Variants in TRPM6 observed in about 807,000 individuals in gnomAD.
TRPM6 encodes transient receptor potential cation channel subfamily M member 6.
TRPM6 carries 111 observed loss-of-function variants against 247.6 expected under a neutral mutation model. The observed-to-expected ratio is 0.45, with a 90% CI of 0.38 to 0.52. TRPM6 has a LOEUF of 0.52. Ranked by LOEUF, TRPM6 falls within the 20% of genes least tolerant of loss-of-function variation. The pLI is 0.00. For missense variants in TRPM6, 2,126 were observed against 2,421.5 expected, an observed-to-expected ratio of 0.88 and a Z score of 2.56; for synonymous variants, 892 against 853.8, an observed-to-expected ratio of 1.04 and a Z score of -0.78.
chr9:74,813,282 A>T (rs1353485174), intron 11 of TRPM6, among the ~76,000 whole-genome samples: 1 of 152,240 alleles, frequency 6.6e-6, no homozygotes, highest in African/African-American at 2.4e-5. Flanking sequence ...AACATTTTGG[A>T]AGCTGGAAAG....
intron 11 of TRPM6, among the ~76,000 whole-genome samples, chr9:74,815,524 A>T (rs1475487145): frequency 2.0e-5 from 3 of 152,212 alleles, no homozygotes; most frequent in African/African-American, 7.2e-5. Flanking sequence ...CATAGAAGAC[A>T]TGCCCTCTAA....
At position 74,762,156 on chromosome 9, in the gene TRPM6, T is replaced by A; in HGVS notation, c.4515A>T (p.Arg1505Ser). Residue 1505 changes from arginine (R) to serine (S), a missense_variant, in exon 26 of 39, where the codon AGA (arginine) becomes AGT (serine). Coordinates refer to ENST00000360774, the MANE Select transcript of TRPM6 (RefSeq NM_017662.5). The stretch of plus-strand genomic sequence containing the variant: ...CTGAGCATTCACTACTCTGGGCCGA[T>A]CTTGTTGAGTTATCAGATAGGGAGC... ...QDSSLSDNSTRSAQSSECSEV... is the reference protein window; with the variant it reads ...QDSSLSDNSTSSAQSSECSEV... The A allele has an allele frequency of 6.2e-7, 1 of 1,614,192 alleles. No homozygotes were observed. Among genetic ancestry groups the A allele is most frequent in the African/African-American group, 1.3e-5 (1 of 75,056 alleles).
chr9:74,731,299 G>C (rs1587447628), intron 37 of TRPM6, among the ~76,000 whole-genome samples: 1 of 152,204 alleles, frequency 6.6e-6, no homozygotes, highest in Middle Eastern at 3.4e-3. Context: ...AAATTATAAA[G>C]TACTTTTAGT....
In TRPM6 at chr9:74,872,721, C is replaced by T. The variant is rs12345169; in HGVS notation, c.34-13973G>A. Among the ~76,000 whole-genome samples the T allele has an allele frequency of 7.2e-3, 1,089 of 151,820 alleles. 14 individuals carry two copies. The highest frequency in any genetic ancestry group is 0.025 in the African/African-American group (1,023 of 41,452). Reference sequence around the variant, plus strand: ...CTGACCTCAAGTGATCTGCCAGCCTCAGCCTCTCAAAGTGCTGGAATTACA... The same window carrying T: ...CTGACCTCAAGTGATCTGCCAGCCTTAGCCTCTCAAAGTGCTGGAATTACA... On this transcript the variant is annotated intron_variant, in intron 1 of 38. Transcript: ENST00000360774.
chr9:74,790,386 C>A (rs1441688094), intron 19 of TRPM6, among the ~76,000 whole-genome samples: 2 of 152,136 alleles, frequency 1.3e-5, no homozygotes, highest in Non-Finnish European at 2.9e-5. Context: ...TTCTTTCAAG[C>A]AACTTAAAAG....
At chr9:74,808,427 TCTTA>T (rs1828611096) in intron 13 of TRPM6, among the ~76,000 whole-genome samples, 2 of 152,228 alleles carry the variant, frequency 1.3e-5, no homozygotes, top group South Asian at 2.1e-4. Context: ...GCTCTCTCTC[TCTTA>T]CTCTTGCTCT....
intron 24 of TRPM6, among the ~76,000 whole-genome samples, chr9:74,774,663 G>A (rs1344613983): frequency 6.6e-6 from 1 of 152,112 alleles, no homozygotes; most frequent in African/African-American, 2.4e-5. Flanking sequence ...AACTCCTGGA[G>A]TCCAGAGTAT....
intron 28 of TRPM6, among the ~76,000 whole-genome samples, chr9:74,754,962 A>G (rs1826385742): frequency 6.6e-6 from 1 of 152,216 alleles, no homozygotes. Context: ...ATAACCAAAT[A>G]TAACTTAACC....
At chr9:74,852,435 T>TCTCCCGCTCCCC (rs1830356199) in intron 3 of TRPM6, among the ~76,000 whole-genome samples, 1 of 140,794 alleles carries the variant, frequency 7.1e-6, no homozygotes, top group South Asian at 2.3e-4. Context: ...TCCCGCTCCC[T>TCTCCCGCTCCCC]CTCCCGCTCC....
At chr9:74,786,433 A>G (rs950981959) in intron 20 of TRPM6, among the ~76,000 whole-genome samples, 1 of 152,214 alleles carries the variant, frequency 6.6e-6, no homozygotes, top group African/African-American at 2.4e-5. Context: ...GAAAACACCA[A>G]GACATTTTAA....
At chr9:74,744,283 AT>A in intron 31 of TRPM6, 138 bp from the exon 32 acceptor site, 4 of 900,784 alleles carry the variant, frequency 4.4e-6, no homozygotes, top group Non-Finnish European at 7.2e-6. Context: ...CTTGCCTAAT[AT>A]TTTTTAACCA....
chr9:74,865,034 C>T (rs1025351839), intron 1 of TRPM6, among the ~76,000 whole-genome samples: 3 of 149,132 alleles, frequency 2.0e-5, no homozygotes, highest in Non-Finnish European at 4.4e-5. Context: ...GATCGTGCCA[C>T]TGCACTCCAG....
At position 74,832,054 on chromosome 9, in the gene TRPM6, C is replaced by A. The variant is rs554416495; in HGVS notation, c.669+1944G>T. Among the ~76,000 whole-genome samples the A allele has an allele frequency of 2.6e-5, 4 of 152,288 alleles. No homozygotes were observed. In the South Asian group the frequency reaches 8.3e-4, roughly 32 times the overall value. ...TAAAAAGAGAGACCCCCATATATTA[C>A]AAGGGAAAGACATACCTCCTCCTAT... On this transcript the variant is annotated intron_variant, in intron 6 of 38. Transcript: ENST00000360774.
In TRPM6 at chr9:74,771,555, T is replaced by C. The variant is rs1029687724; in HGVS notation, c.3536+148A>G. 2.4e-5 allele frequency: 18 copies of C among 737,140 alleles called. No homozygotes were observed. The Admixed American group carries it at 4.3e-4, about 18-fold the overall frequency. The allele number at this position is 737,140 out of a possible 1,614,324, so 45.7% of individuals were successfully genotyped here. A position where few individuals can be genotyped will look rare whatever the true frequency, so the allele number is the denominator to read the frequency against. On this transcript the variant is annotated intron_variant, in intron 25 of 38. Coordinates refer to ENST00000360774, the MANE Select transcript of TRPM6 (RefSeq NM_017662.5). Reference sequence around the variant, plus strand: ...TAGATGCTTAATAAATATACTTTGATTACATGAATATTATATGTTGTTAAA... The same window carrying C: ...TAGATGCTTAATAAATATACTTTGACTACATGAATATTATATGTTGTTAAA...
intron 30 of TRPM6, 100 bp downstream of exon 30, chr9:74,750,564 C>T (rs1005558436): frequency 9.5e-7 from 1 of 1,049,846 alleles, no homozygotes; most frequent in African/African-American, 1.6e-5. Context: ...ACACACACTT[C>T]TTTTCTCTCC....
At chr9:74,858,611 A>G (rs1830599516) in intron 2 of TRPM6, 58 bp downstream of exon 2, 1 of 1,116,764 alleles carries the variant, frequency 9.0e-7, no homozygotes, top group Non-Finnish European at 1.3e-6. Flanking sequence ...CTAAGTTTCT[A>G]TAAATAGTCC....
intron 37 of TRPM6, among the ~76,000 whole-genome samples, chr9:74,730,749 A>G (rs1267255657): frequency 6.6e-6 from 1 of 152,186 alleles, no homozygotes; most frequent in East Asian, 1.9e-4. Flanking sequence ...CACGTAAGGC[A>G]TTCGAAATGT....
At chr9:74,871,627 TGC>T (rs1831034582) in intron 1 of TRPM6, among the ~76,000 whole-genome samples, 1 of 152,126 alleles carries the variant, frequency 6.6e-6, no homozygotes, top group African/African-American at 2.4e-5. Context: ...AATATACACC[TGC>T]AAGTAAAATT....
chr9:74,869,453 CAA>C (rs775850642), intron 1 of TRPM6, among the ~76,000 whole-genome samples: 27 of 76,668 alleles, frequency 3.5e-4, no homozygotes, highest in Admixed American at 8.8e-4. Context: ...GACTCCATCT[CAA>C]AAAAAAAAAA....
Sources: allele counts gnomAD v4.1 joint callset (sites outside exome capture counted in the v4.1 genomes callset), GRCh38; gene constraint gnomAD v4.1.1; transcripts MANE v1.5; gene names NCBI Gene and HGNC (gene_info 2026-07-23, HGNC 2026-07-21).